The following CACNA1D variants were observed in gnomAD, a reference collection of about 807,000 sequenced individuals.
CACNA1D encodes calcium voltage-gated channel subunit alpha1 D.
Under a neutral mutation model 257.1 loss-of-function variants are expected in CACNA1D, and 55 were observed. That is an observed-to-expected ratio of 0.21 (90% confidence interval 0.17 to 0.27). The LOEUF (loss-of-function observed/expected upper bound fraction) is 0.27, where lower values mean the gene tolerates loss of function less well. Among genes scored for constraint, CACNA1D ranks in the 10% least tolerant of loss-of-function variants. The probability of loss-of-function intolerance (pLI) is 1.00; values close to 1 mark genes in which losing one functional copy is unlikely to be tolerated. For missense variants in CACNA1D, 1,876 were observed against 2,784.0 expected, an observed-to-expected ratio of 0.67 and a Z score of 7.34; for synonymous variants, 980 against 1,014.9, an observed-to-expected ratio of 0.97 and a Z score of 0.65.
At chr3:53,547,882 A>G (rs977074494) in intron 3 of CACNA1D, among the ~76,000 whole-genome samples, 1 of 152,170 alleles carries the variant, frequency 6.6e-6, no homozygotes, top group Admixed American at 6.5e-5. Context: ...TCGTTTCCCC[A>G]CCAGAAGTTT....
chr3:53,698,448 C>T (rs1242951917), intron 8 of CACNA1D, among the ~76,000 whole-genome samples: 3 of 152,302 alleles, frequency 2.0e-5, no homozygotes, highest in South Asian at 4.1e-4. Flanking sequence ...GAGAGTATGT[C>T]GTCAAATATT....
chr3:53,692,154 G>A (rs1207862382), intron 8 of CACNA1D, among the ~76,000 whole-genome samples: 2 of 151,300 alleles, frequency 1.3e-5, no homozygotes, highest in Admixed American at 6.7e-5. Flanking sequence ...AATGGCCGGG[G>A]TTTGTGATAA....
intron 3 of CACNA1D, among the ~76,000 whole-genome samples, chr3:53,542,173 T>TA (rs920506463): frequency 3.3e-5 from 5 of 151,532 alleles, no homozygotes; most frequent in Admixed American, 2.0e-4. Flanking sequence ...ATGAAGCTAT[T>TA]AAAAAACATT....
At chr3:53,618,676 AG>A (rs754102155) in intron 3 of CACNA1D, among the ~76,000 whole-genome samples, 7 of 152,188 alleles carry the variant, frequency 4.6e-5, no homozygotes, top group Non-Finnish European at 7.3e-5. Context: ...GGTCCTGCTC[AG>A]ATGTTGTGCT....
In CACNA1D at chr3:53,688,459, T is replaced by G. The variant is rs562843808; in HGVS notation, c.1221-14182T>G. 7.2e-5 allele frequency among the ~76,000 whole-genome samples: 11 copies of G among 152,336 alleles called. No homozygotes were observed. In the South Asian group the frequency reaches 2.3e-3, roughly 32 times the overall value. On this transcript the variant is annotated intron_variant, in intron 8 of 47. Transcript: ENST00000350061. ...AAAATTGGAGCGCCCCATCTCTGAC[T>G]TTTCTCACAGAGCCATCCTAATAAC... is the stretch of plus-strand genomic sequence containing the variant.
intron 4 of CACNA1D, among the ~76,000 whole-genome samples, chr3:53,657,445 A>G (rs2094159283): frequency 6.6e-6 from 1 of 152,086 alleles, no homozygotes; most frequent in Middle Eastern, 3.2e-3. Flanking sequence ...AAATGTTGAA[A>G]CCTTCCCTAT....
chr3:53,705,057 C>G (rs1345420501), intron 9 of CACNA1D, among the ~76,000 whole-genome samples: 4 of 152,210 alleles, frequency 2.6e-5, no homozygotes, highest in Admixed American at 6.5e-5. Flanking sequence ...CTGATGATGA[C>G]AGAAATCAAT....
At chr3:53,684,621 CAAAAAAA>C (rs60026644) in intron 8 of CACNA1D, among the ~76,000 whole-genome samples, 22 of 84,530 alleles carry the variant, frequency 2.6e-4, no homozygotes, top group African/African-American at 1.1e-3. Flanking sequence ...GAAACTCTGT[CAAAAAAA>C]AAAAAAAAAA....
In CACNA1D at chr3:53,810,092, T is replaced by C. The variant is rs772080982; in HGVS notation, c.5986T>C (p.Cys1996Arg). 6.2e-7 allele frequency: 1 copy of C among 1,613,858 alleles called. No homozygotes were observed. Among genetic ancestry groups the C allele is most frequent in the Admixed American group, 1.7e-5 (1 of 60,012 alleles). Residue 1996 changes from cysteine (C) to arginine (R), a missense_variant, in exon 47 of 48, where the codon TGC (cysteine) becomes CGC (arginine). By Grantham distance (180) the Cys-to-Arg change is radical. Around this residue, in one of 10 missense-constraint regions of CACNA1D, gnomAD observed 491 missense variants for 554.3 expected, o/e 0.89. Transcript: ENST00000350061. ...CCCTCCCTACCGGGACTGGACACCG[T>C]GCTACACCCCCCTGATCCAAGTGGA... is the stretch of plus-strand genomic sequence containing the variant. ...ATPPYRDWTP[C>R]YTPLIQVEQS...
At chr3:53,626,632 G>A (rs1368850894) in intron 3 of CACNA1D, among the ~76,000 whole-genome samples, 1 of 152,198 alleles carries the variant, frequency 6.6e-6, no homozygotes, top group Non-Finnish European at 1.5e-5. Context: ...GGGAAAGGTG[G>A]AGAAAAGTGA....
chr3:53,557,473 G>A lies in CACNA1D; in HGVS notation c.483+55753G>A, dbSNP rs1007488276. Among the ~76,000 whole-genome samples, 4 of 151,906 alleles carry A rather than the reference G, an allele frequency of 2.6e-5. No homozygotes were observed. In the East Asian group the frequency reaches 5.8e-4, roughly 22 times the overall value. ...TGCGCCATTGCACTCCAGCCTGGGC[G>A]ACAAGAGCGAAACTCTGTCTCAAAA... On this transcript the variant is annotated intron_variant, in intron 3 of 47. Coordinates refer to ENST00000350061, the MANE Select transcript of CACNA1D (RefSeq NM_001128840.3).
At chr3:53,577,210 G>A (rs1359366514) in intron 3 of CACNA1D, among the ~76,000 whole-genome samples, 1 of 152,148 alleles carries the variant, frequency 6.6e-6, no homozygotes, top group Non-Finnish European at 1.5e-5. Context: ...GTAATAGGTG[G>A]CTTCTCATAA....
At chr3:53,603,846 G>C (rs1044830785) in intron 3 of CACNA1D, among the ~76,000 whole-genome samples, 8 of 152,150 alleles carry the variant, frequency 5.3e-5, no homozygotes, top group African/African-American at 1.9e-4. Context: ...TACTCAGGAA[G>C]GTTTTGTTTA....
chr3:53,772,129 G>GA (rs2095369612), intron 32 of CACNA1D, among the ~76,000 whole-genome samples: 1 of 152,212 alleles, frequency 6.6e-6, no homozygotes, highest in Admixed American at 6.5e-5. Flanking sequence ...AAGGACGGGG[G>GA]ATCTGTCAGA....
rs377257596 is a variant in CACNA1D, at chr3:53,749,323, C to G, written c.3370C>G (p.His1124Asp). 4.3e-6 allele frequency: 7 copies of G among 1,613,754 alleles called. No individual in the cohort carries two copies. The highest frequency in any genetic ancestry group is 1.7e-5 in the Admixed American group (1 of 60,004). ...AGAGAACATCGGCCCAATCTACAAC[C>G]ACCGCGTGGAGATCTCCATCTTCTT... ...NGENIGPIYNHRVEISIFFII... is the reference protein window; with the variant it reads ...NGENIGPIYNDRVEISIFFII... The change falls in exon 27 of 48, where the codon CAC (histidine) becomes GAC (aspartate). Residue 1124 changes from histidine to aspartate, a missense_variant. Physicochemically the swap from His to Asp is moderately conservative, Grantham distance 81. This residue lies in a region of CACNA1D where 271 missense variants were observed against 425.5 expected (regional missense o/e 0.64). Transcript: ENST00000350061.
At chr3:53,682,381 A>C (rs1485906154) in intron 8 of CACNA1D, among the ~76,000 whole-genome samples, 4 of 146,690 alleles carry the variant, frequency 2.7e-5, no homozygotes, top group African/African-American at 1.0e-4. Context: ...AAAAAAAAAA[A>C]AAAAAAAAAA....
intron 3 of CACNA1D, among the ~76,000 whole-genome samples, chr3:53,509,888 C>T (rs1015054297): frequency 1.5e-4 from 23 of 152,140 alleles, no homozygotes; most frequent in African/African-American, 4.3e-4. Flanking sequence ...TATAAGAGGA[C>T]GTATTTATAA....
chr3:53,599,946 T>C (rs2093421376), intron 3 of CACNA1D, among the ~76,000 whole-genome samples: 1 of 152,246 alleles, frequency 6.6e-6, no homozygotes, highest in Admixed American at 6.5e-5. Context: ...AAATTTCTCA[T>C]GCTTATTTGC....
intron 3 of CACNA1D, among the ~76,000 whole-genome samples, chr3:53,577,156 T>G (rs1307649611): frequency 6.6e-6 from 1 of 152,150 alleles, no homozygotes. Flanking sequence ...TGGAGTGCTT[T>G]GCTGCATCTC....
Sources: gnomAD v4.1 joint callset for allele counts (sites outside exome capture counted in the v4.1 genomes callset) on GRCh38, gnomAD v4.1.1 for gene constraint, gnomAD v4.1.1 regional missense constraint, MANE v1.5 for transcripts, NCBI Gene and HGNC (gene_info 2026-07-23, HGNC 2026-07-21) for gene names.